The following LIMCH1 variants were observed in gnomAD, a reference collection of about 807,000 sequenced individuals.
LIMCH1 encodes the protein LIM and calponin homology domains 1, also known as LIM and calponin homology domains-containing protein 1.
LIMCH1 carries 113 observed loss-of-function variants against 176.5 expected under a neutral mutation model. That is an observed-to-expected ratio of 0.64 (90% CI 0.55 to 0.75). LIMCH1 has a LOEUF of 0.75. LIMCH1 is among the 30% of genes least tolerant of loss of function. LIMCH1 has a pLI of 0.00. For missense variants in LIMCH1, 1,674 were observed against 1,814.9 expected (o/e 0.92, Z 1.41); for synonymous variants, 619 against 645.9 (o/e 0.96, Z 0.63).
chr4:41,472,083 T>C (rs1393616912), intron 1 of LIMCH1, among the ~76,000 whole-genome samples: 1 of 152,268 alleles, frequency 6.6e-6, no homozygotes, highest in Non-Finnish European at 1.5e-5. Flanking sequence ...GGTAGTGTTG[T>C]GTGGGTAGTA....
intron 1 of LIMCH1, among the ~76,000 whole-genome samples, chr4:41,407,653 A>G (rs1352655843): frequency 3.3e-5 from 5 of 152,206 alleles, no homozygotes; most frequent in Admixed American, 1.3e-4. Context: ...AGGCTAAGAA[A>G]AATATATCGA....
At chr4:41,676,557 A>C in intron 23 of LIMCH1, 95 bp downstream of exon 23, 1 of 898,490 alleles carries the variant, frequency 1.1e-6, no homozygotes, top group Non-Finnish European at 1.8e-6. Context: ...AATGAATGGA[A>C]TCAAGTTATT....
chr4:41,663,596 A>T (rs1218563781), intron 20 of LIMCH1, among the ~76,000 whole-genome samples: 1 of 152,154 alleles, frequency 6.6e-6, no homozygotes, highest in African/African-American at 2.4e-5. Context: ...TGTTTTTATT[A>T]AAGTTTCTTC....
intron 2 of LIMCH1, among the ~76,000 whole-genome samples, chr4:41,518,418 A>G (rs1257506612): frequency 6.6e-6 from 1 of 152,170 alleles, no homozygotes; most frequent in East Asian, 1.9e-4. Context: ...GCAGATAGAA[A>G]AAAAGTCTTC....
chr4:41,559,663 C>G (rs1051306043), intron 1 of LIMCH1, among the ~76,000 whole-genome samples: 2 of 152,172 alleles, frequency 1.3e-5, no homozygotes, highest in East Asian at 1.9e-4. Flanking sequence ...TAAACCTACT[C>G]TCAGGGTCAC....
At chr4:41,628,083 A>G (rs984707192) in intron 8 of LIMCH1, among the ~76,000 whole-genome samples, 1 of 152,202 alleles carries the variant, frequency 6.6e-6, no homozygotes, top group African/African-American at 2.4e-5. Context: ...AGGACACATT[A>G]TAGCTTCAGG....
intron 1 of LIMCH1, among the ~76,000 whole-genome samples, chr4:41,413,495 AT>A (rs10631082): frequency 0.011 from 1,477 of 139,310 alleles, 16 homozygotes; most frequent in East Asian, 0.04. Flanking sequence ...ATGCCTGGCT[AT>A]TTTTTTTTTT....
At chr4:41,542,888 T>A (rs1336023932) in intron 1 of LIMCH1, among the ~76,000 whole-genome samples, 1 of 152,196 alleles carries the variant, frequency 6.6e-6, no homozygotes, top group South Asian at 2.1e-4. Flanking sequence ...ACTGAAAAAA[T>A]TGTAACATTG....
At chr4:41,579,969 C>G (rs2085140465) in intron 1 of LIMCH1, among the ~76,000 whole-genome samples, 1 of 152,192 alleles carries the variant, frequency 6.6e-6, no homozygotes, top group South Asian at 2.1e-4. Flanking sequence ...TTTGGGGAGG[C>G]ACAGCCTTCG....
At chr4:41,410,645 T>C (rs1482268414) in intron 1 of LIMCH1, among the ~76,000 whole-genome samples, 1 of 152,148 alleles carries the variant, frequency 6.6e-6, no homozygotes, top group Non-Finnish European at 1.5e-5. Context: ...ACCCCTCCCC[T>C]GCATTGTCAA....
At chr4:41,570,909 T>C (rs978192589) in intron 1 of LIMCH1, among the ~76,000 whole-genome samples, 1 of 151,894 alleles carries the variant, frequency 6.6e-6, no homozygotes, top group Admixed American at 6.6e-5. Flanking sequence ...TGAAGGAGAG[T>C]GCAGAAATAG....
chr4:41,492,591 T>A lies in LIMCH1; in HGVS notation c.97-1945T>A, dbSNP rs118085538. On this transcript the variant is annotated intron_variant, in intron 1 of 26. Coordinates refer to the LIMCH1 transcript ENST00000313860. ...TTAAAAAAATGTACATTCTGCAGTT[T>A]TAGGGTGGAATATTCTAGAAATGTC... Among the ~76,000 whole-genome samples the A allele has an allele frequency of 1.6e-3, 250 of 152,320 alleles. 5 individuals carry two copies. In the East Asian group the frequency reaches 0.037, roughly 23 times the overall value.
intron 1 of LIMCH1, among the ~76,000 whole-genome samples, chr4:41,597,010 C>T (rs1023852568): frequency 9.2e-5 from 14 of 152,176 alleles, no homozygotes; most frequent in African/African-American, 2.6e-4. Context: ...TCCTTCACAC[C>T]GTCTACCTCC....
chr4:41,507,533 A>G (rs1033401368), intron 2 of LIMCH1, among the ~76,000 whole-genome samples: 1 of 152,176 alleles, frequency 6.6e-6, no homozygotes, highest in Non-Finnish European at 1.5e-5. Context: ...ATATCAGAGT[A>G]AAAAAATGCA....
At chr4:41,551,648 T>C (rs1378788933) in intron 1 of LIMCH1, among the ~76,000 whole-genome samples, 1 of 152,164 alleles carries the variant, frequency 6.6e-6, no homozygotes, top group Non-Finnish European at 1.5e-5. Context: ...TTTATATCTT[T>C]AAATGGTTGG....
chr4:41,454,852 T>C (rs1319326292), intron 1 of LIMCH1, among the ~76,000 whole-genome samples: 1 of 152,058 alleles, frequency 6.6e-6, no homozygotes, highest in Non-Finnish European at 1.5e-5. Context: ...GAGATCGAAA[T>C]CCTGACCTTC....
intron 22 of LIMCH1, among the ~76,000 whole-genome samples, chr4:41,674,094 G>A (rs559106340): frequency 6.6e-6 from 1 of 152,186 alleles, no homozygotes; most frequent in South Asian, 2.1e-4. Flanking sequence ...TATCATGCTG[G>A]TTTCTTCCCC....
chr4:41,663,862 A>AAAAAAAAAAAAAAAAAC (rs2094720830), intron 20 of LIMCH1, among the ~76,000 whole-genome samples: 1 of 150,360 alleles, frequency 6.7e-6, no homozygotes, highest in Non-Finnish European at 1.5e-5. Context: ...TAAAAAAAAA[A>AAAAAAAAAAAAAAAAAC]AAAAAAAAAA....
chr4:41,552,829 AAGAC>A (rs1326174161), intron 1 of LIMCH1, among the ~76,000 whole-genome samples: 1 of 152,204 alleles, frequency 6.6e-6, no homozygotes, highest in African/African-American at 2.4e-5. Flanking sequence ...AATCAGAAGT[AAGAC>A]AGACTTTAAG....
Sources: allele counts gnomAD v4.1 joint callset (sites outside exome capture counted in the v4.1 genomes callset), GRCh38; gene constraint gnomAD v4.1.1; transcripts MANE v1.5; gene names NCBI Gene and HGNC (gene_info 2026-07-23, HGNC 2026-07-21).